Variants in RAPGEF6 observed in about 807,000 individuals in gnomAD.
RAPGEF6 encodes Rap guanine nucleotide exchange factor 6, also known as PDZ domain containing guanine nucleotide exchange factor (GEF) 2.
In RAPGEF6, 56 loss-of-function variants were observed where a neutral mutation model predicts 171.4. The observed-to-expected ratio is 0.33, with a 90% confidence interval of 0.26 to 0.41. RAPGEF6 has a LOEUF of 0.41. Among genes scored for constraint, RAPGEF6 ranks in the 10% least tolerant of loss-of-function variants. RAPGEF6 has a pLI of 1.00. For missense variants in RAPGEF6, 1,674 were observed against 1,921.4 expected (o/e 0.87, Z 2.41); for synonymous variants, 692 against 650.1 (o/e 1.06, Z -0.98).
At chr5:131,482,640 A>G (rs577360624) in intron 15 of RAPGEF6, among the ~76,000 whole-genome samples, 5 of 152,314 alleles carry the variant, frequency 3.3e-5, no homozygotes, top group African/African-American at 1.2e-4. Context: ...ATTCATTCAA[A>G]AAATGTCAAC....
intron 7 of RAPGEF6, among the ~76,000 whole-genome samples, chr5:131,512,638 T>C (rs1757812658): frequency 6.6e-6 from 1 of 152,166 alleles, no homozygotes; most frequent in Admixed American, 6.5e-5. Context: ...AATACTCAAA[T>C]TGTGATCTTT....
chr5:131,564,894 G>A (rs1761835526), intron 4 of RAPGEF6, among the ~76,000 whole-genome samples: 2 of 152,208 alleles, frequency 1.3e-5, no homozygotes, highest in South Asian at 4.1e-4. Context: ...TGTTAAAATT[G>A]GTGAGTAGCT....
At chr5:131,579,623 A>G (rs1762817013) in intron 4 of RAPGEF6, among the ~76,000 whole-genome samples, 1 of 152,062 alleles carries the variant, frequency 6.6e-6, no homozygotes, top group East Asian at 1.9e-4. Context: ...TGATTGGTGC[A>G]TTTACAAACC....
At chr5:131,547,871 G>A (rs1033023365) in intron 6 of RAPGEF6, among the ~76,000 whole-genome samples, 176 bp downstream of exon 6, 2 of 152,024 alleles carry the variant, frequency 1.3e-5, no homozygotes, top group African/African-American at 4.8e-5. Context: ...CCACTGGTAA[G>A]AGCATTCCTA....
intron 6 of RAPGEF6, among the ~76,000 whole-genome samples, chr5:131,545,229 T>G (rs1403551822): frequency 1.3e-5 from 2 of 152,150 alleles, no homozygotes; most frequent in Middle Eastern, 3.2e-3. Context: ...AAATCATCTT[T>G]TTCAGTCATT....
intron 4 of RAPGEF6, among the ~76,000 whole-genome samples, chr5:131,571,231 C>T (rs1254906015): frequency 6.6e-6 from 1 of 152,048 alleles, no homozygotes; most frequent in Non-Finnish European, 1.5e-5. Context: ...TGTAAGCCAC[C>T]ATGCCCCGCC....
intron 1 of RAPGEF6, among the ~76,000 whole-genome samples, chr5:131,612,201 A>T (rs1166429262): frequency 2.4e-5 from 2 of 83,330 alleles, no homozygotes; most frequent in Non-Finnish European, 4.7e-5. Flanking sequence ...TGCTCAGCTA[A>T]TTTTTTTTTT....
chr5:131,630,181 T>C (rs1040959583), intron 1 of RAPGEF6, among the ~76,000 whole-genome samples: 1 of 152,224 alleles, frequency 6.6e-6, no homozygotes. Context: ...ACTACCACCC[T>C]GATTGGTCAG....
At chr5:131,633,370 T>C (rs1303656873) in intron 1 of RAPGEF6, among the ~76,000 whole-genome samples, 1 of 151,984 alleles carries the variant, frequency 6.6e-6, no homozygotes, top group African/African-American at 2.4e-5. Context: ...AAATAAATAA[T>C]TCTGCTGTTA....
chr5:131,498,731 T>G, intron 11 of RAPGEF6, 124 bp from the exon 12 acceptor site: 1 of 878,724 alleles, frequency 1.1e-6, no homozygotes, highest in Non-Finnish European at 1.8e-6. Flanking sequence ...CAGTTTCGCC[T>G]TTAAATCCTT....
At chr5:131,491,786 C>T (rs758947275) in intron 14 of RAPGEF6, among the ~76,000 whole-genome samples, 4 of 152,150 alleles carry the variant, frequency 2.6e-5, no homozygotes, top group Non-Finnish European at 5.9e-5. Context: ...AAACCATCTC[C>T]ATCACCCCAG....
At chr5:131,463,755 C>G (rs996850315) in intron 18 of RAPGEF6, 1 of 1,032,520 alleles carries the variant, frequency 9.7e-7, no homozygotes, top group Admixed American at 5.4e-5. Context: ...AAAGTACATA[C>G]TGGCCATATT....
At position 131,563,931 on chromosome 5, in the gene RAPGEF6, T is replaced by C. The variant is rs184363104; in HGVS notation, c.282-1884A>G. Among the ~76,000 whole-genome samples the C allele has an allele frequency of 4.8e-3, 729 of 152,282 alleles. 2 individuals are homozygous for C. Among genetic ancestry groups the C allele is most frequent in the Non-Finnish European group, 8.0e-3 (546 of 68,012 alleles). On this transcript the variant is annotated intron_variant, in intron 4 of 27. Transcript: ENST00000509018. ...TCATGCAAGATGGAATAACAGGGACTGGGTTTACTCTCCCACCTGAGGACA... is the reference window on the plus strand; with the variant it reads ...TCATGCAAGATGGAATAACAGGGACCGGGTTTACTCTCCCACCTGAGGACA...
intron 6 of RAPGEF6, among the ~76,000 whole-genome samples, chr5:131,540,729 C>G (rs1329056383): frequency 6.6e-6 from 1 of 152,212 alleles, no homozygotes; most frequent in Non-Finnish European, 1.5e-5. Flanking sequence ...AAAATGAGCA[C>G]AAATGAGACC....
At chr5:131,618,999 A>G (rs1019742624) in intron 1 of RAPGEF6, among the ~76,000 whole-genome samples, 9 of 151,940 alleles carry the variant, frequency 5.9e-5, no homozygotes, top group African/African-American at 1.2e-4. Context: ...GATACATTCT[A>G]TAAGGCAGCC....
chr5:131,625,994 C>G (rs1765904170), intron 1 of RAPGEF6, among the ~76,000 whole-genome samples: 1 of 152,188 alleles, frequency 6.6e-6, no homozygotes, highest in Non-Finnish European at 1.5e-5. Context: ...CTCCAAAATG[C>G]TCACATAGTA....
At chr5:131,562,493 T>G (rs768005732) in intron 4 of RAPGEF6, among the ~76,000 whole-genome samples, 27 of 152,154 alleles carry the variant, frequency 1.8e-4, no homozygotes, top group Non-Finnish European at 3.8e-4. Flanking sequence ...TAAAAAAACT[T>G]AAAAAATATT....
intron 22 of RAPGEF6, among the ~76,000 whole-genome samples, chr5:131,445,493 C>CTGTGTG (rs11269268): frequency 3.5e-4 from 52 of 147,332 alleles, no homozygotes; most frequent in African/African-American, 6.1e-4. Flanking sequence ...AACTCACTCT[C>CTGTGTG]TGTGTGTGTG....
intron 1 of RAPGEF6, among the ~76,000 whole-genome samples, chr5:131,620,749 C>A (rs1765549831): frequency 2.0e-5 from 3 of 152,054 alleles, no homozygotes. Flanking sequence ...CATCACCATG[C>A]CCAGCAAATT....
Sources: allele counts gnomAD v4.1 joint callset (sites outside exome capture counted in the v4.1 genomes callset), GRCh38; gene constraint gnomAD v4.1.1; transcripts MANE v1.5; gene names NCBI Gene and HGNC (gene_info 2026-07-23, HGNC 2026-07-21).